Variants in SLC44A1 observed in about 807,000 individuals in gnomAD.
The protein encoded by SLC44A1 is choline transporter-like protein 1.
SLC44A1 carries 26 observed loss-of-function variants against 79.3 expected under a neutral mutation model. That is an observed-to-expected ratio of 0.33 (90% CI 0.24 to 0.46). The LOEUF (loss-of-function observed/expected upper bound fraction) is 0.46, where lower values mean the gene tolerates loss of function less well. Among genes scored for constraint, SLC44A1 ranks in the 20% least tolerant of loss-of-function variants. The pLI is 1.00. For missense variants in SLC44A1, 688 were observed against 798.1 expected (o/e 0.86, Z 1.66); for synonymous variants, 263 against 286.2 (o/e 0.92, Z 0.82).
At chr9:105,414,644 A>G (rs1346585691) in intron 15 of SLC44A1, among the ~76,000 whole-genome samples, 1 of 152,226 alleles carries the variant, frequency 6.6e-6, no homozygotes, top group Non-Finnish European at 1.5e-5. Context: ...GTTTAAAATC[A>G]TAGTAGTCTG....
intron 3 of SLC44A1, among the ~76,000 whole-genome samples, chr9:105,330,268 G>T (rs928638417): frequency 1.3e-5 from 2 of 152,150 alleles, no homozygotes; most frequent in African/African-American, 4.8e-5. Context: ...TGACTTGCTG[G>T]TCTGTAACTC....
At chr9:105,316,127 A>G (rs1831317435) in intron 3 of SLC44A1, among the ~76,000 whole-genome samples, 1 of 152,212 alleles carries the variant, frequency 6.6e-6, no homozygotes, top group Admixed American at 6.5e-5. Flanking sequence ...AGCAAAATAA[A>G]CATACTTTTT....
intron 3 of SLC44A1, among the ~76,000 whole-genome samples, chr9:105,317,094 T>A (rs919678095): frequency 1.3e-5 from 2 of 152,184 alleles, no homozygotes; most frequent in African/African-American, 4.8e-5. Flanking sequence ...GCTGTAGGAC[T>A]GAGTTCCTAT....
intron 12 of SLC44A1, among the ~76,000 whole-genome samples, chr9:105,368,977 G>T (rs1160410138): frequency 6.6e-6 from 1 of 152,228 alleles, no homozygotes; most frequent in Non-Finnish European, 1.5e-5. Flanking sequence ...GGTGGAGGTT[G>T]TAGTGAGCCG....
intron 15 of SLC44A1, among the ~76,000 whole-genome samples, chr9:105,438,108 A>G (rs1829486757): frequency 6.6e-6 from 1 of 150,460 alleles, no homozygotes; most frequent in Non-Finnish European, 1.5e-5. Context: ...GATCTCCCAG[A>G]TATCTTTTTA....
At chr9:105,292,528 A>G (rs919288126) in intron 1 of SLC44A1, among the ~76,000 whole-genome samples, 2 of 152,170 alleles carry the variant, frequency 1.3e-5, no homozygotes, top group Non-Finnish European at 1.5e-5. Flanking sequence ...ATTCTTATTT[A>G]GCAGTCAATA....
intron 3 of SLC44A1, among the ~76,000 whole-genome samples, chr9:105,321,512 C>G (rs975203680): frequency 1.1e-4 from 17 of 151,998 alleles, no homozygotes; most frequent in African/African-American, 4.1e-4. Context: ...TTTTAAATAA[C>G]TAGTTGCAGC....
intron 13 of SLC44A1, among the ~76,000 whole-genome samples, chr9:105,381,096 A>G (rs568519685): frequency 6.6e-6 from 1 of 152,192 alleles, no homozygotes; most frequent in South Asian, 2.1e-4. Flanking sequence ...CCTTTTTTCT[A>G]TAACTAACTT....
intron 1 of SLC44A1, among the ~76,000 whole-genome samples, chr9:105,254,408 C>A (rs1246107462): frequency 6.6e-6 from 1 of 152,142 alleles, no homozygotes; most frequent in Non-Finnish European, 1.5e-5. Flanking sequence ...TTTAGAGTAA[C>A]CAGGACTTCC....
intron 1 of SLC44A1, among the ~76,000 whole-genome samples, chr9:105,264,536 T>C (rs536329878): frequency 1.3e-5 from 2 of 152,324 alleles, no homozygotes; most frequent in Admixed American, 1.3e-4. Flanking sequence ...ATTTCATCAT[T>C]TGTCACTCTT....
rs761234004 is a variant in SLC44A1, at chr9:105,299,264, A to C, written c.81A>C (p.Thr27=). The part of the protein sequence containing the change: ...EWKPLEDRSC[T]DIPWLLLFIL... ...AGCCGCTGGAGGACCGTAGCTGCAC[A>C]GACATACCATGGCTGCTGCTCTTCA... is the stretch of plus-strand genomic sequence containing the variant. Residue 27 remains threonine, a synonymous_variant, in exon 2 of 16, where the codon ACA becomes ACC. Coordinates refer to ENST00000374720, the MANE Select transcript of SLC44A1 (RefSeq NM_080546.5). The C allele has an allele frequency of 6.3e-7, 1 of 1,597,722 alleles. No homozygotes were observed. Among genetic ancestry groups the C allele is most frequent in the Non-Finnish European group, 8.5e-7 (1 of 1,174,808 alleles).
intron 3 of SLC44A1, among the ~76,000 whole-genome samples, chr9:105,324,040 C>T (rs1564437253): frequency 2.6e-5 from 4 of 152,024 alleles, no homozygotes; most frequent in South Asian, 2.1e-4. Context: ...CTTGCTCTGT[C>T]GCCCAGGCTG....
chr9:105,402,833 C>T (rs1206873084), intron 15 of SLC44A1, among the ~76,000 whole-genome samples: 1 of 151,978 alleles, frequency 6.6e-6, no homozygotes, highest in Non-Finnish European at 1.5e-5. Flanking sequence ...GGCATATATA[C>T]AAAAAGATTT....
chr9:105,294,620 AAGGGTTTG>A (rs1564420285), intron 1 of SLC44A1: 1 of 151,922 alleles, frequency 6.6e-6, no homozygotes, highest in Non-Finnish European at 1.5e-5. Flanking sequence ...TTTGGCTTTC[AAGGGTTTG>A]AGTATAATAG....
intron 3 of SLC44A1, among the ~76,000 whole-genome samples, chr9:105,310,792 C>T (rs1831159963): frequency 6.6e-6 from 1 of 152,154 alleles, no homozygotes; most frequent in Admixed American, 6.6e-5. Context: ...TGTCACAAAC[C>T]TGAAGAAATC....
rs34048538 is a variant in SLC44A1 at position 105,390,430 on chromosome 9, C to CA, written c.*1395dup. The CA allele has an allele frequency of 0.39, 299,759 of 773,756 alleles. 22,724 individuals are homozygous for CA. Among genetic ancestry groups the CA allele is most frequent in the East Asian group, 0.66 (3,959 of 5,956 alleles). The allele number at this position is 773,756 out of a possible 1,614,324, so 47.9% of individuals were successfully genotyped here. A position where few individuals can be genotyped will look rare whatever the true frequency, so the allele number is the denominator to read the frequency against. On this transcript the variant is annotated 3_prime_UTR_variant, in exon 16 of 16. Transcript: ENST00000374720. Reference sequence around the variant, plus strand: ...TATTGCACTAAATACAGGCTCTGTACAAAAAAAAAAAAAAAAAAAAAGCCT... The same window carrying CA: ...TATTGCACTAAATACAGGCTCTGTACAAAAAAAAAAAAAAAAAAAAAAGCCT...
At chr9:105,289,612 C>T (rs1588739379) in intron 1 of SLC44A1, among the ~76,000 whole-genome samples, 1 of 152,090 alleles carries the variant, frequency 6.6e-6, no homozygotes, top group Admixed American at 6.5e-5. Flanking sequence ...ATGCCACTGT[C>T]GTAGAACTGA....
intron 1 of SLC44A1, among the ~76,000 whole-genome samples, chr9:105,289,789 G>A (rs1051706094): frequency 6.6e-6 from 1 of 151,348 alleles, no homozygotes; most frequent in Non-Finnish European, 1.5e-5. Context: ...GTCATTATAA[G>A]TCAGTTCTCA....
intron 7 of SLC44A1, among the ~76,000 whole-genome samples, chr9:105,360,064 C>T (rs773085027): frequency 1.9e-4 from 29 of 152,154 alleles, no homozygotes; most frequent in Admixed American, 1.3e-4. Context: ...TGGTCTGGTC[C>T]GCAGCTACCT....
Sources: gnomAD v4.1 joint callset for allele counts (sites outside exome capture counted in the v4.1 genomes callset) on GRCh38, gnomAD v4.1.1 for gene constraint, MANE v1.5 for transcripts, NCBI Gene and HGNC (gene_info 2026-07-23, HGNC 2026-07-21) for gene names.